The following DGKB variants were observed in gnomAD, a reference collection of about 807,000 sequenced individuals.
The protein encoded by DGKB is diacylglycerol kinase beta.
DGKB carries 67 observed loss-of-function variants against 114.3 expected under a neutral mutation model. The observed-to-expected ratio is 0.59, with a 90% CI of 0.48 to 0.72. The LOEUF (loss-of-function observed/expected upper bound fraction) is 0.72, where lower values mean the gene tolerates loss of function less well. DGKB is among the 30% of genes least tolerant of loss of function. The pLI is 0.00. For synonymous variants in DGKB, 398 were observed against 323.1 expected (o/e 1.23, Z -2.49); for missense variants, 907 against 975.2 (o/e 0.93, Z 0.93).
chr7:14,334,360 A>ATGTGTGTG (rs1491407829), intron 23 of DGKB, among the ~76,000 whole-genome samples: 148 of 103,678 alleles, frequency 1.4e-3, no homozygotes, highest in African/African-American at 5.7e-3. Context: ...ATGTATATAC[A>ATGTGTGTG]TATGTGTGTG....
intron 1 of DGKB, among the ~76,000 whole-genome samples, chr7:14,963,963 T>C (rs1396850660): frequency 6.6e-6 from 1 of 152,108 alleles, no homozygotes; most frequent in African/African-American, 2.4e-5. Context: ...CATATATATA[T>C]ACACAGATGT....
intron 1 of DGKB, among the ~76,000 whole-genome samples, chr7:14,966,958 G>C (rs1232143892): frequency 6.6e-6 from 1 of 151,958 alleles, no homozygotes; most frequent in Non-Finnish European, 1.5e-5. Context: ...GAAATATTAT[G>C]CATGAATTGT....
chr7:14,485,271 T>G (rs1783624485), intron 20 of DGKB, among the ~76,000 whole-genome samples: 1 of 150,882 alleles, frequency 6.6e-6, no homozygotes, highest in African/African-American at 2.4e-5. Flanking sequence ...TAGATTGCAT[T>G]TTTTGTCTTT....
intron 1 of DGKB, among the ~76,000 whole-genome samples, chr7:14,916,091 C>A (rs1562873252): frequency 6.8e-6 from 1 of 147,006 alleles, no homozygotes; most frequent in Non-Finnish European, 1.5e-5. Flanking sequence ...TTATTCGGTA[C>A]ATGCATGTAC....
chr7:14,651,332 G>A (rs1359554631), intron 13 of DGKB, among the ~76,000 whole-genome samples: 2 of 151,782 alleles, frequency 1.3e-5, no homozygotes, highest in Non-Finnish European at 2.9e-5. Context: ...TGGGATGCAA[G>A]GCTGGTTCAA....
In DGKB at chr7:14,429,069, A is replaced by T. The variant is rs1199675465; in HGVS notation, c.1835+49092T>A. On this transcript the variant is annotated intron_variant, in intron 21 of 25. Coordinates refer to ENST00000402815, the MANE Select transcript of DGKB (RefSeq NM_001350709.2). ...CAAAGGCCCTCAGAGATTACTAAAC[A>T]CAGAAGGCATATTGAAAACAGAAGA... Among the ~76,000 whole-genome samples the T allele has an allele frequency of 3.9e-5, 6 of 152,204 alleles. No homozygotes were observed. The East Asian group carries it at 1.2e-3, about 29-fold the overall frequency.
rs548557994 is a variant in DGKB, at chr7:14,832,580, C to T, written c.70+8614G>A. Among the ~76,000 whole-genome samples the T allele has an allele frequency of 3.9e-5, 6 of 152,104 alleles. No individual in the cohort carries two copies. The South Asian group carries it at 8.3e-4, about 21-fold the overall frequency. The stretch of plus-strand genomic sequence containing the variant: ...TTCTAAATGATAAAGACTCGGGATG[C>T]GTTTTGGTTATTATCTCAAGTTCAA... On this transcript the variant is annotated intron_variant, in intron 2 of 25. Coordinates refer to ENST00000402815, the MANE Select transcript of DGKB (RefSeq NM_001350709.2).
chr7:14,333,587 G>T (rs1457354524), intron 23 of DGKB, among the ~76,000 whole-genome samples: 1 of 151,770 alleles, frequency 6.6e-6, no homozygotes, highest in East Asian at 1.9e-4. Flanking sequence ...TGTGGTATTG[G>T]CAATATCCTG....
upstream of DGKB, among the ~76,000 whole-genome samples, chr7:14,904,180 G>C (rs1272466344): frequency 6.6e-6 from 1 of 151,794 alleles, no homozygotes. Context: ...TCACTTTCTT[G>C]TTCTGTAGAT....
At chr7:14,793,111 G>T (rs1840915490) in intron 2 of DGKB, among the ~76,000 whole-genome samples, 1 of 152,108 alleles carries the variant, frequency 6.6e-6, no homozygotes, top group Non-Finnish European at 1.5e-5. Context: ...TTAGAGGAAA[G>T]AAGGTAAACA....
At chr7:14,694,016 T>C (rs1823377789) in intron 9 of DGKB, 59 bp downstream of exon 9, 3 of 1,534,138 alleles carry the variant, frequency 2.0e-6, no homozygotes, top group South Asian at 1.2e-5. Context: ...AATCAAAATG[T>C]GTAATAGAGA....
intron 17 of DGKB, among the ~76,000 whole-genome samples, chr7:14,595,587 G>C (rs1029004779): frequency 6.6e-6 from 1 of 150,456 alleles, no homozygotes; most frequent in African/African-American, 2.4e-5. Flanking sequence ...TTTTATAAAA[G>C]TGATGTATAT....
intron 2 of DGKB, among the ~76,000 whole-genome samples, chr7:14,788,955 C>T (rs925635289): frequency 1.3e-5 from 2 of 152,058 alleles, no homozygotes; most frequent in African/African-American, 4.8e-5. Flanking sequence ...CAGATAAAGC[C>T]CCCTCTGTGT....
chr7:14,835,573 CA>C (rs1847036743), intron 2 of DGKB, among the ~76,000 whole-genome samples: 1 of 152,112 alleles, frequency 6.6e-6, no homozygotes, highest in Non-Finnish European at 1.5e-5. Context: ...CAATCTAACA[CA>C]GGGCTCAGGA....
rs68166303 is a variant in DGKB, at chr7:14,418,392, T to TACACAC, written c.1835+59763_1835+59768dup. 3.6e-4 allele frequency among the ~76,000 whole-genome samples: 50 copies of TACACAC among 137,072 alleles called. No individual in the cohort carries two copies. In the South Asian group the frequency reaches 6.8e-3, roughly 19 times the overall value. The allele number at this position is 137,072 out of a possible 152,430, so 89.9% of individuals were successfully genotyped here. A position where few individuals can be genotyped will look rare whatever the true frequency, so the allele number is the denominator to read the frequency against. On this transcript the variant is annotated intron_variant, in intron 21 of 25. Coordinates refer to ENST00000402815, the MANE Select transcript of DGKB (RefSeq NM_001350709.2). The stretch of plus-strand genomic sequence containing the variant: ...GTGTGTATATATATATATATATATA[T>TACACAC]ACACACACACATATATTCATGTGAG...
chr7:14,344,319 G>T (rs1336898653), intron 22 of DGKB, among the ~76,000 whole-genome samples: 2 of 151,274 alleles, frequency 1.3e-5, no homozygotes, highest in East Asian at 3.9e-4. Flanking sequence ...GTGCTAAAAG[G>T]TTACACTGAG....
chr7:14,423,754 T>G (rs1827091528), intron 21 of DGKB, among the ~76,000 whole-genome samples: 1 of 152,080 alleles, frequency 6.6e-6, no homozygotes, highest in Admixed American at 6.6e-5. Context: ...CATTTAACAT[T>G]CATAACTGCT....
chr7:14,495,680 G>C (rs1785204422), intron 20 of DGKB, among the ~76,000 whole-genome samples: 1 of 151,650 alleles, frequency 6.6e-6, no homozygotes, highest in Non-Finnish European at 1.5e-5. Flanking sequence ...GAAAGTTAGG[G>C]CATATCTTGA....
intron 6 of DGKB, among the ~76,000 whole-genome samples, chr7:14,705,514 C>A (rs1200941882): frequency 6.6e-6 from 1 of 151,280 alleles, no homozygotes; most frequent in East Asian, 2.0e-4. Flanking sequence ...ACATAATTGT[C>A]AGATTCACCA....
Sources: allele counts gnomAD v4.1 joint callset (sites outside exome capture counted in the v4.1 genomes callset), GRCh38; gene constraint gnomAD v4.1.1; transcripts MANE v1.5; gene names NCBI Gene and HGNC (gene_info 2026-07-23, HGNC 2026-07-21).